The following LRRC37A2 variants were observed in gnomAD, a reference collection of about 807,000 sequenced individuals.
The protein encoded by LRRC37A2 is leucine-rich repeat-containing protein 37A2.
In LRRC37A2, 9 loss-of-function variants were observed where a neutral mutation model predicts 68.8. The observed-to-expected ratio is 0.13, with a 90% CI of 0.08 to 0.23. The LOEUF is 0.23. Ranked by LOEUF, LRRC37A2 falls within the 10% of genes least tolerant of loss-of-function variation. The pLI, the probability that LRRC37A2 is intolerant of heterozygous loss-of-function variation, is 1.00. For missense variants in LRRC37A2, 168 were observed against 950.4 expected (o/e 0.18, Z 10.82); for synonymous variants, 63 against 367.6 (o/e 0.17, Z 9.48).
At chr17:46,930,829 A>G in the LRRC37A2 span, 254 of 399,900 alleles carry the variant, frequency 6.4e-4, 2 homozygotes, top group Non-Finnish European at 1.3e-4. Flanking sequence ...TTCTAAAGGT[A>G]GGAAATTTAT....
the LRRC37A2 span, chr17:46,762,851 CTT>C: frequency 6.6e-6 from 1 of 152,216 alleles, no homozygotes; most frequent in Non-Finnish European, 1.5e-5. Flanking sequence ...AGAAACATGA[CTT>C]TATCACTTTT....
the LRRC37A2 span, among the ~76,000 whole-genome samples, chr17:46,847,443 C>T: frequency 2.0e-5 from 3 of 152,342 alleles, no homozygotes; most frequent in Admixed American, 2.0e-4. Context: ...TGCAATGTTG[C>T]AAGGGCATTG....
At chr17:46,778,477 T>A in the LRRC37A2 span, among the ~76,000 whole-genome samples, 1 of 152,200 alleles carries the variant, frequency 6.6e-6, no homozygotes, top group Non-Finnish European at 1.5e-5. Context: ...GCTGTGGCCA[T>A]GGGATTGATT....
chr17:47,021,872 T>C, the LRRC37A2 span: 2 of 1,517,724 alleles, frequency 1.3e-6, no homozygotes, highest in Admixed American at 1.7e-5. Context: ...AAACTATATT[T>C]CTTACATTGA....
the LRRC37A2 span, among the ~76,000 whole-genome samples, chr17:47,029,271 A>T: frequency 6.6e-6 from 1 of 151,718 alleles, no homozygotes; most frequent in Non-Finnish European, 1.5e-5. Context: ...GTTTATGTTA[A>T]GCTATTGTGC....
the LRRC37A2 span, chr17:46,764,412 A>G: frequency 6.6e-6 from 1 of 152,598 alleles, no homozygotes; most frequent in Non-Finnish European, 1.5e-5. Flanking sequence ...AAAACCACAC[A>G]CCATCCAGAG....
the LRRC37A2 span, among the ~76,000 whole-genome samples, chr17:46,890,900 C>A: frequency 6.6e-6 from 1 of 152,164 alleles, no homozygotes; most frequent in Non-Finnish European, 1.5e-5. Context: ...TGGTATTGAG[C>A]CAGGACTTTG....
At chr17:46,626,428 T>C in the LRRC37A2 span, among the ~76,000 whole-genome samples, 1,059 of 18,740 alleles carry the variant, frequency 0.057, 8 homozygotes, top group East Asian at 0.24. Context: ...GCTCCTTATA[T>C]CTGGAAAACA....
At chr17:46,498,762 G>T in the LRRC37A2 span, among the ~76,000 whole-genome samples, 1 of 147,604 alleles carries the variant, frequency 6.8e-6, no homozygotes, top group East Asian at 2.0e-4. Flanking sequence ...AGCAGAAATG[G>T]TATCTGGGAA....
the LRRC37A2 span, chr17:46,938,997 C>T: frequency 7.3e-7 from 1 of 1,370,406 alleles, no homozygotes; most frequent in Admixed American, 2.5e-5. Flanking sequence ...AGTCCCGGGT[C>T]TGTCTCTCTC....
the LRRC37A2 span, among the ~76,000 whole-genome samples, chr17:46,799,046 CAAAAAAAA>C: frequency 1.1e-5 from 1 of 93,282 alleles, no homozygotes; most frequent in Non-Finnish European, 2.1e-5. Flanking sequence ...GACTCCGTCT[CAAAAAAAA>C]AAAAAAAAAA....
At chr17:46,841,414 G>A in the LRRC37A2 span, among the ~76,000 whole-genome samples, 1 of 152,202 alleles carries the variant, frequency 6.6e-6, no homozygotes, top group African/African-American at 2.4e-5. Context: ...ATTCATCACC[G>A]AGTGAGAGTG....
the LRRC37A2 span, among the ~76,000 whole-genome samples, chr17:46,694,127 G>C: frequency 7.5e-6 from 1 of 132,784 alleles, no homozygotes; most frequent in South Asian, 2.3e-4. Flanking sequence ...GCTCACACCT[G>C]TAATCCCAGC....
the LRRC37A2 span, among the ~76,000 whole-genome samples, chr17:46,722,725 G>C: frequency 1.3e-5 from 2 of 152,170 alleles, no homozygotes; most frequent in African/African-American, 4.8e-5. Context: ...CTAGTGACTA[G>C]ATAAGGAAGA....
the LRRC37A2 span, chr17:47,035,106 G>T: frequency 6.6e-6 from 1 of 152,138 alleles, no homozygotes; most frequent in African/African-American, 2.4e-5. Flanking sequence ...CAGCATGTTT[G>T]GTCTTCTGGC....
chr17:46,729,664 A>C, the LRRC37A2 span, among the ~76,000 whole-genome samples: 1 of 152,196 alleles, frequency 6.6e-6, no homozygotes, highest in Non-Finnish European at 1.5e-5. Context: ...GGCAGGTACA[A>C]AGCAGTTAAG....
At chr17:46,494,574 G>C in the LRRC37A2 span, among the ~76,000 whole-genome samples, 2 of 151,200 alleles carry the variant, frequency 1.3e-5, no homozygotes, top group Admixed American at 6.6e-5. Context: ...TCGATTATTA[G>C]AAAAACAGGT....
chr17:46,805,554 CAA>C, the LRRC37A2 span, among the ~76,000 whole-genome samples: 1 of 152,164 alleles, frequency 6.6e-6, no homozygotes, highest in African/African-American at 2.4e-5. Context: ...GCCTGGGTGA[CAA>C]GAGTGAAAAC....
chr17:46,823,200 A>G, the LRRC37A2 span, among the ~76,000 whole-genome samples: 1 of 131,248 alleles, frequency 7.6e-6, no homozygotes, highest in Non-Finnish European at 1.5e-5. Flanking sequence ...ATATATATTT[A>G]TATATAATAT....
Sources: gnomAD v4.1 joint callset for allele counts (sites outside exome capture counted in the v4.1 genomes callset) on GRCh38, gnomAD v4.1.1 for gene constraint, MANE v1.5 for transcripts, NCBI Gene and HGNC (gene_info 2026-07-23, HGNC 2026-07-21) for gene names.